Variants in CNBD1 observed in about 807,000 individuals in gnomAD.
CNBD1 encodes the protein cyclic nucleotide binding domain containing 1.
In CNBD1, 71 loss-of-function variants were observed where a neutral mutation model predicts 54.4. The observed-to-expected ratio is 1.30, with a 90% CI of 1.08 to 1.59. CNBD1 has a LOEUF of 1.59. Ranked by LOEUF, CNBD1 falls within the 40% of genes most tolerant of loss-of-function variation. The pLI, the probability that CNBD1 is intolerant of heterozygous loss-of-function variation, is 0.00. For missense variants in CNBD1, 659 were observed against 518.0 expected, an observed-to-expected ratio of 1.27 and a Z score of -2.64; for synonymous variants, 182 against 170.7, an observed-to-expected ratio of 1.07 and a Z score of -0.51.
chr8:87,263,267 A>C (rs145545772), intron 6 of CNBD1, among the ~76,000 whole-genome samples: 8 of 152,140 alleles, frequency 5.3e-5, no homozygotes, highest in Non-Finnish European at 7.4e-5. Flanking sequence ...AAAACCATGC[A>C]TATTTGTATA....
rs539400278 is a variant in CNBD1 at position 86,958,946 on chromosome 8, A to G, written c.431+19192A>G. On this transcript the variant is annotated intron_variant, in intron 4 of 10. Transcript: ENST00000518476. ...TTGATGCAGTTTGTTCCTAGTGTCA[A>G]TGGTCTTTACAATTTGGCATGTTTT... Among the ~76,000 whole-genome samples, 6 of 152,230 alleles carry G rather than the reference A, an allele frequency of 3.9e-5. No homozygotes were observed. In the South Asian group the frequency reaches 6.2e-4, roughly 16 times the overall value.
Position 86,887,618 on chromosome 8 carries a change from T to TA in CNBD1, c.158+8dup. The TA allele has an allele frequency of 6.4e-7, 1 of 1,559,016 alleles. No homozygotes were observed. Among genetic ancestry groups the TA allele is most frequent in the South Asian group, 1.2e-5 (1 of 83,580 alleles). On this transcript the variant is annotated splice_region_variant and intron_variant, in intron 2 of 10. Coordinates refer to ENST00000518476, the MANE Select transcript of CNBD1 (RefSeq NM_173538.3). ...ACATTAGAGGACAACACAGGTAAGC[T>TA]ATTCATGCATTTCTTTTTCTGTCAT... is the stretch of plus-strand genomic sequence containing the variant.
intron 10 of CNBD1, among the ~76,000 whole-genome samples, chr8:87,367,061 G>T (rs1313284246): frequency 2.0e-5 from 3 of 151,958 alleles, no homozygotes; most frequent in Non-Finnish European, 4.4e-5. Flanking sequence ...TTTACTCCCA[G>T]CCTCCTCTCT....
At chr8:87,422,025 G>C (rs1807948596) in intron 2 of CNBD1, among the ~76,000 whole-genome samples, 1 of 149,042 alleles carries the variant, frequency 6.7e-6, no homozygotes, top group Admixed American at 6.7e-5. Context: ...CTGATGGCCA[G>C]TGATGATGAG....
chr8:86,912,696 T>C (rs998571008), intron 3 of CNBD1, among the ~76,000 whole-genome samples: 3 of 152,172 alleles, frequency 2.0e-5, no homozygotes, highest in African/African-American at 7.2e-5. Context: ...GTGTATTTAT[T>C]CTATTTATAT....
intron 4 of CNBD1, among the ~76,000 whole-genome samples, chr8:87,061,439 T>A (rs1196964203): frequency 6.6e-6 from 1 of 152,230 alleles, no homozygotes; most frequent in Non-Finnish European, 1.5e-5. Context: ...ACTTTTTTCC[T>A]TCTGAATTTT....
chr8:86,899,000 G>A (rs906676044), intron 2 of CNBD1, among the ~76,000 whole-genome samples: 4 of 152,124 alleles, frequency 2.6e-5, no homozygotes, highest in African/African-American at 9.7e-5. Flanking sequence ...CAGCCCTAAA[G>A]AAGAATGAGA....
intron 6 of CNBD1, among the ~76,000 whole-genome samples, chr8:87,242,250 G>A (rs888709179): frequency 6.6e-6 from 1 of 152,016 alleles, no homozygotes; most frequent in African/African-American, 2.4e-5. Context: ...TCTCTTGTGG[G>A]GAAAATCAAT....
downstream of CNBD1, among the ~76,000 whole-genome samples, chr8:87,387,161 G>T (rs1410199319): frequency 6.6e-6 from 1 of 152,148 alleles, no homozygotes; most frequent in African/African-American, 2.4e-5. Context: ...ATGCCAAATT[G>T]TAAAGACTAT....
intron 4 of CNBD1, among the ~76,000 whole-genome samples, chr8:86,971,109 A>G (rs991083366): frequency 1.3e-5 from 2 of 152,212 alleles, no homozygotes; most frequent in African/African-American, 4.8e-5. Flanking sequence ...TCATACTGCT[A>G]TAAAGAACTA....
intron 4 of CNBD1, among the ~76,000 whole-genome samples, chr8:87,029,902 G>C (rs905458368): frequency 6.6e-6 from 1 of 151,902 alleles, no homozygotes; most frequent in Non-Finnish European, 1.5e-5. Context: ...GCACATATAG[G>C]TGCCTATGAC....
chr8:87,061,390 T>C (rs1810543332), intron 4 of CNBD1, among the ~76,000 whole-genome samples: 1 of 152,218 alleles, frequency 6.6e-6, no homozygotes, highest in South Asian at 2.1e-4. Context: ...AATGGTCATA[T>C]TTTTACAATG....
intron 4 of CNBD1, among the ~76,000 whole-genome samples, chr8:87,015,048 G>A (rs1434540949): frequency 6.6e-6 from 1 of 152,156 alleles, no homozygotes; most frequent in Non-Finnish European, 1.5e-5. Context: ...AGGGGCTTGT[G>A]TAATTCAGTT....
chr8:87,009,633 G>C (rs1449835737), intron 4 of CNBD1, among the ~76,000 whole-genome samples: 1 of 152,010 alleles, frequency 6.6e-6, no homozygotes, highest in African/African-American at 2.4e-5. Flanking sequence ...GTTTTATACA[G>C]TTACTATTCA....
intron 2 of CNBD1, among the ~76,000 whole-genome samples, chr8:87,412,196 T>C (rs904839090): frequency 6.6e-6 from 1 of 152,090 alleles, no homozygotes; most frequent in Non-Finnish European, 1.5e-5. Context: ...ACTTGGAAAA[T>C]GCTAATCATT....
chr8:86,874,986 TTATATATA>T (rs10584669), intron 1 of CNBD1, among the ~76,000 whole-genome samples: 8,923 of 120,038 alleles, frequency 0.074, 377 homozygotes, highest in Middle Eastern at 0.1. Flanking sequence ...GTAAATCAAT[TTATATATA>T]TATATATATA....
chr8:86,984,280 A>G (rs779252079), intron 4 of CNBD1, among the ~76,000 whole-genome samples: 4 of 152,196 alleles, frequency 2.6e-5, no homozygotes, highest in Middle Eastern at 3.2e-3. Context: ...CAGGATGTGT[A>G]GAAACACCTA....
chr8:87,327,844 C>T (rs1809718201), intron 8 of CNBD1, among the ~76,000 whole-genome samples: 1 of 152,098 alleles, frequency 6.6e-6, no homozygotes, highest in Non-Finnish European at 1.5e-5. Context: ...CTTAGGTTTT[C>T]TTCTAGGAGT....
intron 5 of CNBD1, 83 bp from the exon 6 acceptor site, chr8:87,236,836 G>C (rs190563948): frequency 1.4e-6 from 1 of 710,612 alleles, no homozygotes. Context: ...TGAAAGTACC[G>C]TAAGTGTAAT....
Sources: gnomAD v4.1 joint callset for allele counts (sites outside exome capture counted in the v4.1 genomes callset) on GRCh38, gnomAD v4.1.1 for gene constraint, MANE v1.5 for transcripts, NCBI Gene and HGNC (gene_info 2026-07-23, HGNC 2026-07-21) for gene names.